Variants in CDK14 observed in about 807,000 individuals in gnomAD.
CDK14 encodes cyclin dependent kinase 14.
Under a neutral mutation model 60.7 loss-of-function variants are expected in CDK14, and 34 were observed. The ratio of observed to expected loss-of-function variants is 0.56; its 90% CI spans 0.43 to 0.75. The LOEUF (loss-of-function observed/expected upper bound fraction) is 0.75. Among genes scored for constraint, CDK14 ranks in the 30% least tolerant of loss-of-function variants. CDK14 has a pLI of 0.00. For missense variants in CDK14, 482 were observed against 564.1 expected, an observed-to-expected ratio of 0.85 and a Z score of 1.47; for synonymous variants, 197 against 203.7, an observed-to-expected ratio of 0.97 and a Z score of 0.28.
chr7:90,807,571 A>C (rs549172541), intron 5 of CDK14, among the ~76,000 whole-genome samples: 1 of 152,354 alleles, frequency 6.6e-6, no homozygotes, highest in African/African-American at 2.4e-5. Flanking sequence ...CTCCTCCTCC[A>C]AAGGAATGCA....
At chr7:90,848,092 A>G (rs1399120339) in intron 5 of CDK14, among the ~76,000 whole-genome samples, 2 of 151,940 alleles carry the variant, frequency 1.3e-5, no homozygotes, top group African/African-American at 4.8e-5. Flanking sequence ...CTGTCAAGGC[A>G]TAAGCATGTT....
intron 2 of CDK14, among the ~76,000 whole-genome samples, chr7:90,651,359 C>A (rs1193315428): frequency 5.9e-5 from 9 of 152,050 alleles, no homozygotes; most frequent in Admixed American, 4.6e-4. Context: ...CCCAGTTCCA[C>A]TTAAGGTTCT....
chr7:91,205,681 T>G (rs1476303973), intron 14 of CDK14, among the ~76,000 whole-genome samples: 1 of 152,264 alleles, frequency 6.6e-6, no homozygotes, highest in Non-Finnish European at 1.5e-5. Flanking sequence ...ATGATTAATT[T>G]TTTATATAAA....
chr7:90,910,525 G>T (rs576401000), intron 7 of CDK14, among the ~76,000 whole-genome samples: 2 of 152,086 alleles, frequency 1.3e-5, no homozygotes, highest in Non-Finnish European at 2.9e-5. Context: ...ATGATACGGC[G>T]TTAAATATGG....
At chr7:91,193,185 T>A (rs1416716138) in intron 14 of CDK14, among the ~76,000 whole-genome samples, 1 of 152,214 alleles carries the variant, frequency 6.6e-6, no homozygotes, top group Non-Finnish European at 1.5e-5. Flanking sequence ...ATGGTGGAAA[T>A]GCTGCTTTAT....
At chr7:90,874,015 C>CT in intron 6 of CDK14, among the ~76,000 whole-genome samples, 1 of 152,110 alleles carries the variant, frequency 6.6e-6, no homozygotes, top group Admixed American at 6.6e-5. Flanking sequence ...TTTTTCCTCT[C>CT]TGTTTCTCTG....
chr7:91,077,997 A>AG (rs1277479096), intron 11 of CDK14, among the ~76,000 whole-genome samples: 2 of 152,234 alleles, frequency 1.3e-5, no homozygotes, highest in African/African-American at 2.4e-5. Flanking sequence ...CATGTAAAAA[A>AG]CTGATAACAA....
chr7:90,971,211 C>T (rs1046352787), intron 9 of CDK14, among the ~76,000 whole-genome samples: 11 of 150,798 alleles, frequency 7.3e-5, no homozygotes, highest in Admixed American at 7.3e-4. Context: ...TTGTACAAGG[C>T]AGTTTGTGAG....
At chr7:90,671,574 T>C (rs2106132) in intron 2 of CDK14, among the ~76,000 whole-genome samples, 130,710 of 152,100 alleles carry the variant, frequency 0.86, 56,474 homozygotes, top group East Asian at 1. Context: ...CTTGTCTTGA[T>C]GTTTCATTTT....
At chr7:90,967,495 A>T (rs770125001) in intron 9 of CDK14, among the ~76,000 whole-genome samples, 2 of 152,172 alleles carry the variant, frequency 1.3e-5, no homozygotes, top group Non-Finnish European at 2.9e-5. Flanking sequence ...TAAATAGCGT[A>T]GTAATGCAGG....
At chr7:90,614,040 C>T (rs1295701551) in intron 2 of CDK14, among the ~76,000 whole-genome samples, 2 of 143,990 alleles carry the variant, frequency 1.4e-5, no homozygotes, top group East Asian at 2.0e-4. Context: ...GAGTTTCGCT[C>T]TTGTTGCCTA....
chr7:91,085,899 A>G (rs569816836), intron 12 of CDK14, among the ~76,000 whole-genome samples: 1 of 152,352 alleles, frequency 6.6e-6, no homozygotes, highest in Admixed American at 6.5e-5. Context: ...CGACATTTCT[A>G]GGTCTGTGCT....
intron 8 of CDK14, among the ~76,000 whole-genome samples, chr7:90,943,990 G>T (rs1357903423): frequency 1.3e-5 from 2 of 152,186 alleles, no homozygotes; most frequent in African/African-American, 4.8e-5. Flanking sequence ...AGGAGTGAGT[G>T]AGTTCTTGCT....
intron 5 of CDK14, among the ~76,000 whole-genome samples, chr7:90,835,331 G>A (rs1243099991): frequency 6.6e-6 from 1 of 152,054 alleles, no homozygotes; most frequent in Non-Finnish European, 1.5e-5. Context: ...GAAGTCAAGG[G>A]AGAATTTTAT....
At chr7:90,765,215 G>T (rs1804503771) in intron 4 of CDK14, among the ~76,000 whole-genome samples, 1 of 152,058 alleles carries the variant, frequency 6.6e-6, no homozygotes, top group African/African-American at 2.4e-5. Context: ...AGAAAGCAAT[G>T]GTCTAGGTTA....
chr7:90,913,367 G>GC (rs1267092335), intron 7 of CDK14, among the ~76,000 whole-genome samples: 1 of 152,114 alleles, frequency 6.6e-6, no homozygotes, highest in East Asian at 1.9e-4. Context: ...ATGTTAAAAT[G>GC]TTTTTTGTAA....
chr7:91,089,896 C>G (rs1231516970), intron 12 of CDK14, among the ~76,000 whole-genome samples: 1 of 152,106 alleles, frequency 6.6e-6, no homozygotes, highest in Non-Finnish European at 1.5e-5. Flanking sequence ...TTTCTTGTCA[C>G]CCTTTACTGA....
intron 3 of CDK14, among the ~76,000 whole-genome samples, chr7:90,740,669 A>G (rs1175796573): frequency 1.3e-5 from 2 of 152,172 alleles, no homozygotes; most frequent in East Asian, 3.9e-4. Flanking sequence ...TGAAGCCACC[A>G]AGTATGTGAT....
intron 4 of CDK14, among the ~76,000 whole-genome samples, chr7:90,754,959 A>G (rs1442324332): frequency 6.6e-6 from 1 of 152,160 alleles, no homozygotes; most frequent in Admixed American, 6.5e-5. Flanking sequence ...TTAAAAGTCA[A>G]AAACAGGTGC....
Sources: gnomAD v4.1 joint callset for allele counts (sites outside exome capture counted in the v4.1 genomes callset) on GRCh38, gnomAD v4.1.1 for gene constraint, MANE v1.5 for transcripts, NCBI Gene and HGNC (gene_info 2026-07-23, HGNC 2026-07-21) for gene names.